The following RBFOX1 variants were observed in gnomAD, a reference collection of about 807,000 sequenced individuals.
RBFOX1 encodes the protein RNA binding protein fox-1 homolog 1.
Under a neutral mutation model 57.7 loss-of-function variants are expected in RBFOX1, and 8 were observed. The observed-to-expected ratio is 0.14, with a 90% CI of 0.08 to 0.25. The LOEUF (loss-of-function observed/expected upper bound fraction) is 0.25, where lower values mean the gene tolerates loss of function less well. Among genes scored for constraint, RBFOX1 ranks in the 10% least tolerant of loss-of-function variants. The pLI, the probability that RBFOX1 is intolerant of heterozygous loss-of-function variation, is 1.00. For synonymous variants in RBFOX1, 326 were observed against 222.4 expected (o/e 1.47, Z -4.15); for missense variants, 611 against 548.5 (o/e 1.11, Z -1.14).
chr16:5,733,004 T>C (rs4786771), intron 3 of RBFOX1, among the ~76,000 whole-genome samples: 151,436 of 152,292 alleles, frequency 0.99, 75,296 homozygotes, highest in East Asian at 1. Context: ...GGTGACTATA[T>C]GATCTTACAC....
chr16:6,567,636 G>C (rs570318871), intron 2 of RBFOX1, among the ~76,000 whole-genome samples: 37 of 152,180 alleles, frequency 2.4e-4, no homozygotes, highest in African/African-American at 8.9e-4. Context: ...TCATTTCAGC[G>C]CCACATCCCA....
chr16:6,605,300 C>A (rs942476979), intron 2 of RBFOX1, among the ~76,000 whole-genome samples: 2 of 152,108 alleles, frequency 1.3e-5, no homozygotes, highest in Non-Finnish European at 2.9e-5. Flanking sequence ...GGCCAAATAG[C>A]ATCTATACTT....
At chr16:6,364,069 C>T (rs773114906) in intron 2 of RBFOX1, among the ~76,000 whole-genome samples, 1 of 152,190 alleles carries the variant, frequency 6.6e-6, no homozygotes, top group South Asian at 2.1e-4. Context: ...GGCACAAAGC[C>T]ATTGGAAGGG....
At chr16:6,750,795 A>C (rs904262466) in intron 3 of RBFOX1, among the ~76,000 whole-genome samples, 4 of 152,216 alleles carry the variant, frequency 2.6e-5, no homozygotes, top group African/African-American at 4.8e-5. Context: ...TGGAAGTGAG[A>C]AAAACATAAA....
intron 1 of RBFOX1, among the ~76,000 whole-genome samples, chr16:5,403,166 C>A (rs1455417258): frequency 6.6e-6 from 1 of 151,984 alleles, no homozygotes; most frequent in African/African-American, 2.4e-5. Flanking sequence ...GCCTGACCAA[C>A]ATGGAGAAAC....
chr16:7,128,907 G>A (rs569946376), intron 4 of RBFOX1, among the ~76,000 whole-genome samples: 22 of 143,390 alleles, frequency 1.5e-4, no homozygotes, highest in Non-Finnish European at 3.0e-4. Context: ...TGCAACCTCC[G>A]CCTCCTGGGT....
At chr16:6,266,645 C>G (rs1003708936) in intron 1 of RBFOX1, among the ~76,000 whole-genome samples, 1 of 150,846 alleles carries the variant, frequency 6.6e-6, no homozygotes, top group African/African-American at 2.4e-5. Flanking sequence ...ACCCAGGAGG[C>G]GAAGGTTGCA....
At chr16:7,267,018 G>C (rs1297327214) in intron 4 of RBFOX1, among the ~76,000 whole-genome samples, 1 of 152,130 alleles carries the variant, frequency 6.6e-6, no homozygotes, top group African/African-American at 2.4e-5. Flanking sequence ...GGTTCAAAAG[G>C]GTGAGCCAGC....
At chr16:6,633,032 T>G (rs920751070) in intron 2 of RBFOX1, among the ~76,000 whole-genome samples, 1 of 152,102 alleles carries the variant, frequency 6.6e-6, no homozygotes, top group Non-Finnish European at 1.5e-5. Flanking sequence ...AAATAAATAC[T>G]TGATGTGTTT....
At chr16:7,511,702 G>C (rs577812051) in intron 4 of RBFOX1, among the ~76,000 whole-genome samples, 2 of 152,040 alleles carry the variant, frequency 1.3e-5, no homozygotes, top group African/African-American at 4.8e-5. Context: ...AAAGCTACAC[G>C]TTGGGGTGTC....
chr16:7,205,433 G>T lies in RBFOX1; in HGVS notation c.27+153335G>T, dbSNP rs183608427. Among the ~76,000 whole-genome samples the T allele has an allele frequency of 1.3e-3, 201 of 151,554 alleles. 3 individuals carry two copies. The highest frequency in any genetic ancestry group is 4.6e-3 in the African/African-American group (191 of 41,260). On this transcript the variant is annotated intron_variant, in intron 4 of 15. Coordinates refer to ENST00000550418, the MANE Select transcript of RBFOX1 (RefSeq NM_018723.4). ...CTCGGGAGGCTAAGGCAGGAGAATGGCTTGAACCCAGGAGGTGGAGGTTGA... is the reference window on the plus strand; with the variant it reads ...CTCGGGAGGCTAAGGCAGGAGAATGTCTTGAACCCAGGAGGTGGAGGTTGA...
intron 4 of RBFOX1, among the ~76,000 whole-genome samples, chr16:5,884,204 C>T (rs527760876): frequency 2.0e-5 from 3 of 152,300 alleles, no homozygotes; most frequent in African/African-American, 4.8e-5. Flanking sequence ...ATTTAAGCAG[C>T]ATCTCAGATG....
chr16:6,165,880 G>A (rs2096913268), intron 1 of RBFOX1, among the ~76,000 whole-genome samples: 1 of 152,100 alleles, frequency 6.6e-6, no homozygotes, highest in Non-Finnish European at 1.5e-5. Flanking sequence ...ATGGTAAAAT[G>A]GGCCAATGCA....
intron 3 of RBFOX1, among the ~76,000 whole-genome samples, chr16:6,854,384 C>T (rs1603632625): frequency 6.6e-6 from 1 of 152,036 alleles, no homozygotes; most frequent in African/African-American, 2.4e-5. Flanking sequence ...TATTAAAAAG[C>T]TTATCTAAGG....
chr16:6,682,991 T>C (rs1476817486), intron 3 of RBFOX1, among the ~76,000 whole-genome samples: 1 of 152,034 alleles, frequency 6.6e-6, no homozygotes, highest in Admixed American at 6.6e-5. Flanking sequence ...TTGAGTGCTT[T>C]ACACAGCTGG....
At chr16:5,525,227 A>G (rs1273105056) in intron 2 of RBFOX1, among the ~76,000 whole-genome samples, 2 of 152,148 alleles carry the variant, frequency 1.3e-5, no homozygotes. Context: ...TTGCAGGGTC[A>G]GGAACTTGGT....
chr16:6,898,278 C>T (rs1054657919), intron 3 of RBFOX1, among the ~76,000 whole-genome samples: 5 of 152,076 alleles, frequency 3.3e-5, no homozygotes, highest in East Asian at 1.9e-4. Context: ...CCTCAAGCTG[C>T]CATCTGACCC....
At chr16:6,984,963 T>C (rs950233617) in intron 3 of RBFOX1, among the ~76,000 whole-genome samples, 1 of 152,104 alleles carries the variant, frequency 6.6e-6, no homozygotes, top group Non-Finnish European at 1.5e-5. Flanking sequence ...ACAAATCTAC[T>C]GTAAGGAAAG....
intron 4 of RBFOX1, among the ~76,000 whole-genome samples, chr16:5,873,623 G>C (rs890525469): frequency 3.3e-5 from 5 of 152,206 alleles, no homozygotes; most frequent in Non-Finnish European, 7.3e-5. Flanking sequence ...CGTGTACAAA[G>C]TTGACACACT....
Sources: allele counts gnomAD v4.1 joint callset (sites outside exome capture counted in the v4.1 genomes callset), GRCh38; gene constraint gnomAD v4.1.1; transcripts MANE v1.5; gene names NCBI Gene and HGNC (gene_info 2026-07-23, HGNC 2026-07-21).